The following FHIT variants were observed in gnomAD, a reference collection of about 807,000 sequenced individuals.
FHIT encodes fragile histidine triad diadenosine triphosphatase, also known as bis(5'-adenosyl)-triphosphatase.
In FHIT, 19 loss-of-function variants were observed where a neutral mutation model predicts 17.9. That is an observed-to-expected ratio of 1.06 (90% CI 0.74 to 1.56). The LOEUF is 1.56. Among genes scored for constraint, FHIT ranks in the 40% most tolerant of loss-of-function variants. The pLI, the probability that FHIT is intolerant of heterozygous loss-of-function variation, is 0.00. For synonymous variants in FHIT, 81 were observed against 69.7 expected (o/e 1.16, Z -0.81); for missense variants, 248 against 189.2 (o/e 1.31, Z -1.82).
chr3:61,107,813 A>G (rs111817864), intron 2 of FHIT, among the ~76,000 whole-genome samples: 1,577 of 152,336 alleles, frequency 0.01, 21 homozygotes, highest in African/African-American at 0.035. Context: ...AAAGTGATGT[A>G]CAGAAAATGG....
chr3:60,457,219 G>T (rs2032155723), intron 5 of FHIT, among the ~76,000 whole-genome samples: 1 of 151,952 alleles, frequency 6.6e-6, no homozygotes. Context: ...CATGGTACTG[G>T]TACCAAAACA....
chr3:60,508,142 G>A (rs2034809121), intron 5 of FHIT, among the ~76,000 whole-genome samples: 1 of 152,204 alleles, frequency 6.6e-6, no homozygotes, highest in African/African-American at 2.4e-5. Flanking sequence ...TAAGCTGAGT[G>A]AGGAATGCTG....
At chr3:59,976,135 T>C (rs970408795) in intron 7 of FHIT, among the ~76,000 whole-genome samples, 1 of 152,044 alleles carries the variant, frequency 6.6e-6, no homozygotes, top group East Asian at 1.9e-4. Flanking sequence ...GAAGATAAAA[T>C]GAGATGGCTC....
chr3:60,120,940 A>C (rs930888247), intron 5 of FHIT, among the ~76,000 whole-genome samples: 1 of 152,016 alleles, frequency 6.6e-6, no homozygotes, highest in Non-Finnish European at 1.5e-5. Context: ...CTTTAGGTTT[A>C]TATCATGTGC....
chr3:60,347,695 TTTTTG>T lies in FHIT; in HGVS notation c.103+189160_103+189164del, dbSNP rs1213090822. Among the ~76,000 whole-genome samples, 452 of 148,450 alleles carry T rather than the reference TTTTTG, an allele frequency of 3.0e-3. 1 individual carries two copies. The highest frequency in any genetic ancestry group is 8.9e-3 in the African/African-American group (363 of 40,692). On this transcript the variant is annotated intron_variant, in intron 5 of 9. Coordinates refer to ENST00000492590, the MANE Select transcript of FHIT (RefSeq NM_002012.4). The stretch of plus-strand genomic sequence containing the variant: ...TGGTTTGGGGGGGGGGGGGGTTTGT[TTTTTG>T]TTTTGTTTTGTTTTGTACACACTTT...
intron 7 of FHIT, among the ~76,000 whole-genome samples, chr3:59,945,365 AG>A: frequency 6.6e-6 from 1 of 152,056 alleles, no homozygotes. Flanking sequence ...ACTTTTAAAT[AG>A]GGTTGTTTTT....
chr3:60,812,317 G>C (rs900808410), intron 4 of FHIT, among the ~76,000 whole-genome samples: 1 of 151,560 alleles, frequency 6.6e-6, no homozygotes, highest in Non-Finnish European at 1.5e-5. Context: ...GCAGCATCAT[G>C]CCTGGCTAAT....
intron 7 of FHIT, among the ~76,000 whole-genome samples, chr3:59,929,354 GTTTTTTTGGTTT>G (rs1399677945): frequency 3.1e-5 from 3 of 97,976 alleles, no homozygotes; most frequent in African/African-American, 7.5e-5. Context: ...TTCACGTATT[GTTTTTTTGGTTT>G]TTTTTTTTTT....
chr3:60,339,684 A>C (rs1232522460), intron 5 of FHIT, among the ~76,000 whole-genome samples: 2 of 152,200 alleles, frequency 1.3e-5, no homozygotes, highest in Non-Finnish European at 2.9e-5. Flanking sequence ...CCTATTTTGT[A>C]ACAGCTGTGA....
At chr3:60,792,664 G>A (rs1196975347) in intron 4 of FHIT, among the ~76,000 whole-genome samples, 2 of 152,072 alleles carry the variant, frequency 1.3e-5, no homozygotes, top group African/African-American at 4.8e-5. Flanking sequence ...AATGAACTCT[G>A]GACTCAGAGG....
intron 5 of FHIT, among the ~76,000 whole-genome samples, chr3:60,324,573 GAA>G (rs4022385): frequency 2.3e-5 from 3 of 128,858 alleles, no homozygotes; most frequent in African/African-American, 5.9e-5. Flanking sequence ...GACTCCATCA[GAA>G]AAAAAAAAAA....
In FHIT at chr3:60,161,046, G is replaced by T. The variant is rs116468901; in HGVS notation, c.104-146894C>A. ...TCTTGTAATAGCAAAAAGATATGAC[G>T]GAGTTTCTGGCCACTTAAAATCTGA... On this transcript the variant is annotated intron_variant, in intron 5 of 9. Transcript: ENST00000492590. Among the ~76,000 whole-genome samples the T allele has an allele frequency of 3.9e-3, 591 of 152,168 alleles. 3 individuals carry two copies. The highest frequency in any genetic ancestry group is 0.014 in the African/African-American group (567 of 41,520).
rs1379144135 is a variant in FHIT, at chr3:60,027,139, ACAC to A, written c.104-12990_104-12988del. ...CACACACACACACACACACACACAC[ACAC>A]ACACACAAAATTAGTAAACCCAATA... On this transcript the variant is annotated intron_variant, in intron 5 of 9. Transcript: ENST00000492590. 1.8e-3 allele frequency among the ~76,000 whole-genome samples: 219 copies of A among 124,330 alleles called. 7 individuals are homozygous for A. The highest frequency in any genetic ancestry group is 5.2e-3 in the African/African-American group (140 of 27,066). The allele number at this position is 124,330 out of a possible 152,430, so 81.6% of individuals were successfully genotyped here. A position where few individuals can be genotyped will look rare whatever the true frequency, so the allele number is the denominator to read the frequency against.
At chr3:59,827,362 A>C (rs1213762807) in intron 8 of FHIT, among the ~76,000 whole-genome samples, 1 of 152,244 alleles carries the variant, frequency 6.6e-6, no homozygotes, top group African/African-American at 2.4e-5. Flanking sequence ...AAAATAACAG[A>C]CATTTCTATG....
intron 8 of FHIT, among the ~76,000 whole-genome samples, chr3:59,830,000 C>A (rs1161148604): frequency 2.6e-5 from 4 of 152,042 alleles, no homozygotes; most frequent in Admixed American, 2.6e-4. Flanking sequence ...GGCTTGAGCT[C>A]AGGAGGTTGA....
chr3:61,234,965 A>T (rs534830348), intron 1 of FHIT, among the ~76,000 whole-genome samples: 1 of 152,232 alleles, frequency 6.6e-6, no homozygotes, highest in Non-Finnish European at 1.5e-5. Flanking sequence ...TAAGGTTTTG[A>T]TACTGCTAAT....
chr3:60,592,266 CTCTA>C (rs1293416972), intron 4 of FHIT, among the ~76,000 whole-genome samples: 3 of 142,248 alleles, frequency 2.1e-5, no homozygotes, highest in South Asian at 2.2e-4. Context: ...TATACTCTCT[CTCTA>C]TATATATATA....
intron 5 of FHIT, among the ~76,000 whole-genome samples, chr3:60,258,154 AAAT>A (rs1402367442): frequency 1.3e-5 from 2 of 151,834 alleles, no homozygotes; most frequent in Non-Finnish European, 2.9e-5. Context: ...CTTTTGTGAA[AAAT>A]AATATTGCCA....
At chr3:60,752,555 C>T (rs1428606086) in intron 4 of FHIT, among the ~76,000 whole-genome samples, 1 of 152,124 alleles carries the variant, frequency 6.6e-6, no homozygotes, top group Non-Finnish European at 1.5e-5. Flanking sequence ...TCAACAATGG[C>T]TACTTTTTTG....
Sources: allele counts gnomAD v4.1 joint callset (sites outside exome capture counted in the v4.1 genomes callset), GRCh38; gene constraint gnomAD v4.1.1; transcripts MANE v1.5; gene names NCBI Gene and HGNC (gene_info 2026-07-23, HGNC 2026-07-21).